The following DNAH7 variants were observed in gnomAD, a reference collection of about 807,000 sequenced individuals.
The protein encoded by DNAH7 is dynein axonemal heavy chain 7.
In DNAH7, 397 loss-of-function variants were observed where a neutral mutation model predicts 444.6. The ratio of observed to expected loss-of-function variants is 0.89; its 90% CI spans 0.82 to 0.97. The LOEUF is 0.97. DNAH7 is among the 50% of genes least tolerant of loss of function. The probability of loss-of-function intolerance (pLI) is 0.00; values close to 1 mark genes in which losing one functional copy is unlikely to be tolerated. For synonymous variants in DNAH7, 1,636 were observed against 1,624.4 expected (o/e 1.01, Z -0.17); for missense variants, 4,902 against 4,800.8 (o/e 1.02, Z -0.62).
intron 49 of DNAH7, among the ~76,000 whole-genome samples, chr2:195,822,503 G>A (rs554921611): frequency 4.7e-4 from 71 of 152,232 alleles, no homozygotes; most frequent in African/African-American, 1.7e-3. Flanking sequence ...AAAGCAAAAG[G>A]TACATAAAAG....
At chr2:195,904,579 T>C (rs191245895) in intron 27 of DNAH7, 1 of 152,300 alleles carries the variant, frequency 6.6e-6, no homozygotes, top group East Asian at 1.9e-4. Context: ...TGATTAGATT[T>C]CTTTTGATAG....
chr2:195,781,516 T>G (rs913485707), intron 58 of DNAH7, among the ~76,000 whole-genome samples: 1 of 152,100 alleles, frequency 6.6e-6, no homozygotes, highest in East Asian at 1.9e-4. Flanking sequence ...TTTCTAGAAA[T>G]AGTGGCAGTT....
intron 40 of DNAH7, among the ~76,000 whole-genome samples, chr2:195,869,748 G>C (rs1379624601): frequency 6.6e-6 from 1 of 152,114 alleles, no homozygotes; most frequent in Admixed American, 6.5e-5. Context: ...GCAGCCTGAG[G>C]GGAACAGGCT....
chr2:196,034,270 A>G (rs1267121740), intron 5 of DNAH7, among the ~76,000 whole-genome samples: 1 of 152,226 alleles, frequency 6.6e-6, no homozygotes, highest in Admixed American at 6.5e-5. Context: ...GAACAACCAG[A>G]AAATAAAATT....
intron 22 of DNAH7, 114 bp from the exon 23 acceptor site, chr2:195,923,921 C>A: frequency 1.0e-6 from 1 of 952,688 alleles, no homozygotes; most frequent in Middle Eastern, 2.7e-4. Flanking sequence ...TTACAACTTT[C>A]CATGTAATAC....
At chr2:196,051,132 A>C in intron 3 of DNAH7, 55 bp downstream of exon 3, 1 of 1,501,786 alleles carries the variant, frequency 6.7e-7, no homozygotes, top group Middle Eastern at 1.8e-4. Flanking sequence ...TTAGAAAACT[A>C]ATAAACATTT....
chr2:196,047,408 G>C lies in DNAH7; in HGVS notation c.342C>G (p.Gly114=). Residue 114 remains glycine (G), a synonymous_variant, in exon 5 of 65, where the codon GGC becomes GGG. Transcript: ENST00000312428. ...YVGPSTSKSK[G]KSPHKERENF... is the part of the protein sequence containing the mutation. ...TTTCTCGTTCTTTATGTGGAGATTT[G>C]CCCTTTGATTTGGAAGTAGATGGTC... 2 of 1,601,968 alleles carry C rather than the reference G, an allele frequency of 1.2e-6. No homozygotes were observed. Among genetic ancestry groups the C allele is most frequent in the Non-Finnish European group, 1.7e-6 (2 of 1,173,364 alleles).
At chr2:195,994,574 T>C (rs1473696374) in intron 12 of DNAH7, 1 of 487,640 alleles carries the variant, frequency 2.1e-6, no homozygotes, top group Non-Finnish European at 4.0e-6. Flanking sequence ...CTGGATTGTG[T>C]GTTTCCATCT....
chr2:195,876,682 T>G lies in DNAH7; in HGVS notation c.5979A>C (p.Gln1993His), dbSNP rs757979848. 6.3e-7 allele frequency: 1 copy of G among 1,595,332 alleles called. No homozygotes were observed. Among genetic ancestry groups the G allele is most frequent in the African/African-American group, 1.3e-5 (1 of 74,144 alleles). Residue 1993 changes from glutamine to histidine, a missense_variant, in exon 37 of 65, where the codon CAA (glutamine) becomes CAC (histidine). Coordinates refer to ENST00000312428, the MANE Select transcript of DNAH7 (RefSeq NM_018897.3). ...SVYITNFLLN[Q>H]LNKEIYKPLL... Reference sequence around the variant, plus strand: ...GAGGTTTGTAGATTTCCTTATTTAGTTGATTTAAAAGAAAATTCTATATAA... The same window carrying G: ...GAGGTTTGTAGATTTCCTTATTTAGGTGATTTAAAAGAAAATTCTATATAA...
intron 1 of DNAH7, among the ~76,000 whole-genome samples, chr2:196,059,781 C>T (rs996533749): frequency 3.3e-5 from 5 of 152,220 alleles, no homozygotes; most frequent in African/African-American, 1.2e-4. Context: ...ACCTGCATCT[C>T]CTCAGCAAAT....
intron 58 of DNAH7, among the ~76,000 whole-genome samples, chr2:195,785,190 C>T (rs571259499): frequency 6.6e-5 from 10 of 152,230 alleles, no homozygotes; most frequent in African/African-American, 1.9e-4. Flanking sequence ...GGATTACAGG[C>T]GTGAGCCACC....
chr2:195,760,369 A>G (rs1694292763), intron 61 of DNAH7, among the ~76,000 whole-genome samples: 1 of 152,152 alleles, frequency 6.6e-6, no homozygotes, highest in Non-Finnish European at 1.5e-5. Flanking sequence ...AGGGAAGGAC[A>G]TAAGCCTGGT....
intron 1 of DNAH7, among the ~76,000 whole-genome samples, chr2:196,060,922 A>C (rs1224882925): frequency 6.6e-6 from 1 of 152,138 alleles, no homozygotes; most frequent in African/African-American, 2.4e-5. Context: ...TGAACACTTA[A>C]ACTTTTCATT....
chr2:195,807,373 G>A (rs149716137), intron 53 of DNAH7, among the ~76,000 whole-genome samples: 1,729 of 152,192 alleles, frequency 0.011, 17 homozygotes, highest in Non-Finnish European at 0.017. Context: ...GGCCAGGCTA[G>A]TCTTGAACTC....
intron 10 of DNAH7, among the ~76,000 whole-genome samples, chr2:196,011,980 T>A (rs1473115200): frequency 1.3e-5 from 2 of 152,146 alleles, no homozygotes; most frequent in Non-Finnish European, 2.9e-5. Flanking sequence ...AACTAAATAC[T>A]AATATAAAAT....
In DNAH7 at chr2:195,872,329, C is replaced by A; in HGVS notation, c.6554G>T (p.Arg2185Leu). Residue 2185 changes from arginine to leucine, a missense_variant, in exon 40 of 65, where the codon CGT (arginine) becomes CTT (leucine). Arg to Leu is a moderately radical substitution (Grantham distance 102, BLOSUM62 -2). Coordinates refer to ENST00000312428, the MANE Select transcript of DNAH7 (RefSeq NM_018897.3). ...HYLFNLRDFS[R>L]VIQGVCLSRP... ...TGACAAACAAACACCTTGAATGACA[C>A]GGGAGAAATCACGGAGGTTGAACAA... is the stretch of plus-strand genomic sequence containing the variant. The A allele has an allele frequency of 6.2e-7, 1 of 1,613,830 alleles. No individual in the cohort carries two copies. The highest frequency in any genetic ancestry group is 8.5e-7 in the Non-Finnish European group (1 of 1,179,906).
intron 19 of DNAH7, among the ~76,000 whole-genome samples, chr2:195,943,998 G>A (rs1418664024): frequency 6.6e-6 from 1 of 152,066 alleles, no homozygotes; most frequent in East Asian, 1.9e-4. Flanking sequence ...CTCTTCCCCA[G>A]TCTTCCTTTT....
rs889813325 is a variant in DNAH7, at chr2:196,020,206, G to T, written c.744-911C>A. Among the ~76,000 whole-genome samples, 10 of 152,034 alleles carry T rather than the reference G, an allele frequency of 6.6e-5. No homozygotes were observed. In the East Asian group the frequency reaches 1.9e-3, roughly 29 times the overall value. On this transcript the variant is annotated intron_variant, in intron 8 of 64. Transcript: ENST00000312428. ...AATTGGCTGTTTATGTTATCAGTAA[G>T]GTTTCCAGTGAACAGTAGGGTATTA...
chr2:195,921,934 C>T (rs755130317), intron 24 of DNAH7, among the ~76,000 whole-genome samples, 154 bp downstream of exon 24: 7 of 151,966 alleles, frequency 4.6e-5, no homozygotes, highest in East Asian at 1.9e-4. Context: ...AAAGAGAAAA[C>T]GAAGACAAAC....
Sources: gnomAD v4.1 joint callset for allele counts (sites outside exome capture counted in the v4.1 genomes callset) on GRCh38, gnomAD v4.1.1 for gene constraint, MANE v1.5 for transcripts, NCBI Gene and HGNC (gene_info 2026-07-23, HGNC 2026-07-21) for gene names.